BEND3: variants seen among roughly 807,000 people sequenced by gnomAD.
BEND3 encodes the protein BEN domain containing 3, also known as BEN domain-containing protein 3.
A neutral mutation model predicts 60.1 loss-of-function variants in BEND3; 13 were observed. That is an observed-to-expected ratio of 0.22 (90% CI 0.14 to 0.34). BEND3 has a LOEUF of 0.34. Ranked by LOEUF, BEND3 falls within the 10% of genes least tolerant of loss-of-function variation. The probability of loss-of-function intolerance (pLI) is 1.00; values close to 1 mark genes in which losing one functional copy is unlikely to be tolerated. For missense variants in BEND3, 896 were observed against 1,138.1 expected (o/e 0.79, Z 3.06); for synonymous variants, 497 against 491.5 (o/e 1.01, Z -0.15).
At chr6:107,073,763 T>C (rs1477850772) in intron 3 of BEND3, among the ~76,000 whole-genome samples, 1 of 151,946 alleles carries the variant, frequency 6.6e-6, no homozygotes, top group Non-Finnish European at 1.5e-5. Context: ...GGTGTGTGCC[T>C]GTAGTCTCAG....
chr6:107,072,328 CAG>C (rs1554232191), intron 3 of BEND3, among the ~76,000 whole-genome samples: 2 of 152,326 alleles, frequency 1.3e-5, no homozygotes, highest in East Asian at 1.9e-4. Flanking sequence ...TGCTGGAATG[CAG>C]AGTGTGAACC....
chr6:107,090,730 T>TATA (rs1775458286), intron 3 of BEND3, among the ~76,000 whole-genome samples: 2 of 152,086 alleles, frequency 1.3e-5, no homozygotes, highest in African/African-American at 4.8e-5. Flanking sequence ...CTTGGACTAG[T>TATA]TGTAAATATA....
intron 1 of BEND3, among the ~76,000 whole-genome samples, chr6:107,108,097 T>C (rs770554580): frequency 6.6e-6 from 1 of 152,210 alleles, no homozygotes; most frequent in Non-Finnish European, 1.5e-5. Flanking sequence ...GTTTGAAAAA[T>C]ACCAGTCCTC....
Position 107,068,201 on chromosome 6 carries a change from T to C in BEND3, c.*503A>G, listed in dbSNP as rs149147697. On this transcript the variant is annotated 3_prime_UTR_variant, in exon 4 of 4. Coordinates refer to ENST00000369042, the MANE Select transcript of BEND3 (RefSeq NM_001367314.1). The surrounding 1 kb of genome is among the most constrained non-coding windows in gnomAD (Gnocchi z 5.8). ...TCAGTATCCATGCCACCTGAAGCTA[T>C]GATTAGCCACTGTGCACGAACATGG... 591 of 153,414 alleles carry C rather than the reference T, an allele frequency of 3.9e-3. 3 individuals carry two copies. The Middle Eastern group carries it at 0.044, about 11-fold the overall frequency. 9.5% of individuals were successfully genotyped at this position (153,414 alleles called of 1,614,324 possible). A position where few individuals can be genotyped will look rare whatever the true frequency, so the allele number is the denominator to read the frequency against.
chr6:107,074,070 G>A (rs781809403), intron 3 of BEND3, among the ~76,000 whole-genome samples: 3 of 152,162 alleles, frequency 2.0e-5, no homozygotes, highest in Non-Finnish European at 4.4e-5. Context: ...GAGGATTTAA[G>A]GAGACAGTGC....
At position 107,099,233 on chromosome 6, in the gene BEND3, G is replaced by A. The variant is rs183552749; in HGVS notation, c.37+16C>T. ...TCAGTTAAAAACATTTTTCAAAAAGGGCATTTTTTTTTTACCTTCTTCTAC... is the reference window on the plus strand; with the variant it reads ...TCAGTTAAAAACATTTTTCAAAAAGAGCATTTTTTTTTTACCTTCTTCTAC... On this transcript the variant is annotated intron_variant, in intron 2 of 3. Transcript: ENST00000369042. 4.4e-4 allele frequency: 697 copies of A among 1,585,400 alleles called. 2 individuals carry two copies. In the African/African-American group the frequency reaches 8.9e-3, roughly 20 times the overall value.
intron 3 of BEND3, among the ~76,000 whole-genome samples, chr6:107,071,211 G>A (rs1198986050): frequency 2.0e-5 from 3 of 152,222 alleles, no homozygotes; most frequent in Admixed American, 2.0e-4. Context: ...CTCTCACAGG[G>A]CACCAGCAGT....
chr6:107,092,492 C>T (rs1282925661), intron 3 of BEND3, among the ~76,000 whole-genome samples: 6 of 152,168 alleles, frequency 3.9e-5, no homozygotes, highest in Non-Finnish European at 7.4e-5. Context: ...TGAAAAAGAA[C>T]ACCTACAAAA....
chr6:107,083,032 G>A (rs750550240), intron 3 of BEND3, among the ~76,000 whole-genome samples: 36 of 152,156 alleles, frequency 2.4e-4, no homozygotes, highest in South Asian at 4.1e-4. Flanking sequence ...GTTGATGTAT[G>A]GGGATGTTTT....
chr6:107,096,577 C>T (rs1212382087), intron 3 of BEND3, among the ~76,000 whole-genome samples: 4 of 152,100 alleles, frequency 2.6e-5, no homozygotes, highest in Non-Finnish European at 5.9e-5. Context: ...TGACACTGCA[C>T]TCCAAGCCTG....
Position 107,068,329 on chromosome 6 carries a change from A to G in BEND3, c.*375T>C. 5.7e-6 allele frequency: 1 copy of G among 174,774 alleles called. No individual in the cohort carries two copies. The highest frequency in any genetic ancestry group is 1.2e-5 in the Non-Finnish European group (1 of 83,912). The allele number at this position is 174,774 out of a possible 1,614,324, so 10.8% of individuals were successfully genotyped here. On this transcript the variant is annotated 3_prime_UTR_variant, in exon 4 of 4. Transcript: ENST00000369042. This position sits in a 1 kb window ranked among gnomAD's most constrained non-coding sequence, Gnocchi z 5.8. ...TTAAAAAAAAATGGGTCAAAATGGAAGATGTAAAATATGGGAAGAGGGGCA... is the reference window on the plus strand; with the variant it reads ...TTAAAAAAAAATGGGTCAAAATGGAGGATGTAAAATATGGGAAGAGGGGCA...
intron 1 of BEND3, among the ~76,000 whole-genome samples, chr6:107,106,481 C>A (rs782183316): frequency 2.0e-5 from 3 of 152,194 alleles, no homozygotes; most frequent in Non-Finnish European, 4.4e-5. Context: ...AGCAAGTCAA[C>A]AAGCCAGATG....
intron 3 of BEND3, among the ~76,000 whole-genome samples, chr6:107,082,174 C>T (rs1308553935): frequency 6.6e-6 from 1 of 152,170 alleles, no homozygotes; most frequent in Non-Finnish European, 1.5e-5. Context: ...ACATGTGATG[C>T]AAGCAGAAGC....
chr6:107,107,970 C>T (rs1554237788), intron 1 of BEND3, among the ~76,000 whole-genome samples: 3 of 152,180 alleles, frequency 2.0e-5, no homozygotes, highest in Admixed American at 6.5e-5. Context: ...TTCACAGGAC[C>T]GGCTGGGAGC....
rs1191080963 is a variant in BEND3, at chr6:107,067,371, C to G, written c.*1333G>C. 1 of 152,218 alleles carries G rather than the reference C, an allele frequency of 6.6e-6. No homozygotes were observed. Among genetic ancestry groups the G allele is most frequent in the Non-Finnish European group, 1.5e-5 (1 of 68,048 alleles). 9.4% of individuals were successfully genotyped at this position (152,218 alleles called of 1,614,324 possible). A position where few individuals can be genotyped will look rare whatever the true frequency, so the allele number is the denominator to read the frequency against. Reference sequence around the variant, plus strand: ...CCCAGAGTTAGGTAGGTAAAAGTATCATTTTAAAGGACTTTACCTGTCAGG... The same window carrying G: ...CCCAGAGTTAGGTAGGTAAAAGTATGATTTTAAAGGACTTTACCTGTCAGG... On this transcript the variant is annotated 3_prime_UTR_variant, in exon 4 of 4. Transcript: ENST00000369042.
At chr6:107,091,960 A>T (rs1665910) in intron 3 of BEND3, among the ~76,000 whole-genome samples, 1 of 152,128 alleles carries the variant, frequency 6.6e-6, no homozygotes, top group African/African-American at 2.4e-5. Context: ...CCAGCCTCAC[A>T]TTAAAAAAAA....
chr6:107,078,684 T>G (rs1775155681), intron 3 of BEND3, among the ~76,000 whole-genome samples: 1 of 151,164 alleles, frequency 6.6e-6, no homozygotes, highest in Non-Finnish European at 1.5e-5. Flanking sequence ...ATGTGGACTA[T>G]CTCAGTGATC....
At chr6:107,072,586 T>A (rs6904519) in intron 3 of BEND3, among the ~76,000 whole-genome samples, 60,223 of 152,098 alleles carry the variant, frequency 0.4, 12,072 homozygotes, top group African/African-American at 0.42. Context: ...GCAAGTGAGC[T>A]ATATGAGGCT....
intron 1 of BEND3, among the ~76,000 whole-genome samples, chr6:107,100,222 C>T (rs1367902367): frequency 6.6e-6 from 1 of 151,930 alleles, no homozygotes; most frequent in Admixed American, 6.6e-5. Flanking sequence ...TTTGGACTTA[C>T]TGGGCTAAAT....
Sources: gnomAD v4.1 joint callset for allele counts (sites outside exome capture counted in the v4.1 genomes callset) on GRCh38, gnomAD v4.1.1 for gene constraint, Gnocchi (gnomAD v3.1) non-coding constraint, MANE v1.5 for transcripts, NCBI Gene and HGNC (gene_info 2026-07-23, HGNC 2026-07-21) for gene names.